Variants in BYSL observed in about 807,000 individuals in gnomAD.
The protein encoded by BYSL is bystin like, also known as bystin.
BYSL carries 21 observed loss-of-function variants against 45.4 expected under a neutral mutation model. The observed-to-expected ratio is 0.46, with a 90% CI of 0.33 to 0.67. The LOEUF (loss-of-function observed/expected upper bound fraction) is 0.67. Ranked by LOEUF, BYSL falls within the 30% of genes least tolerant of loss-of-function variation. BYSL has a pLI of 0.02. For missense variants in BYSL, 522 were observed against 578.5 expected (o/e 0.90, Z 1.00); for synonymous variants, 215 against 231.3 (o/e 0.93, Z 0.64).
intron 2 of BYSL, among the ~76,000 whole-genome samples, chr6:41,928,382 G>C (rs1468756475): frequency 6.6e-6 from 1 of 152,156 alleles, no homozygotes; most frequent in Non-Finnish European, 1.5e-5. Context: ...CAGCTTATTT[G>C]AAAATGCAGA....
At chr6:41,909,189 GA>G in the BYSL span, 1 of 1,486,968 alleles carries the variant, frequency 6.7e-7, no homozygotes, top group Non-Finnish European at 9.0e-7. Flanking sequence ...AAAAAAAAGA[GA>G]AGAACTGGAA....
chr6:41,919,274 T>C (rs1370350829), upstream of BYSL, among the ~76,000 whole-genome samples: 1 of 151,754 alleles, frequency 6.6e-6, no homozygotes, highest in Non-Finnish European at 1.5e-5. Flanking sequence ...TCTTAACCAC[T>C]AACTAGACTG....
chr6:41,927,281 T>C, intron 1 of BYSL, 93 bp from the exon 2 acceptor site: 1 of 1,458,436 alleles, frequency 6.9e-7, no homozygotes, highest in African/African-American at 1.4e-5. Context: ...CAACCACATG[T>C]GAGGCCTGTA....
At chr6:41,911,301 C>T in the BYSL span, among the ~76,000 whole-genome samples, 3 of 151,690 alleles carry the variant, frequency 2.0e-5, no homozygotes, top group Non-Finnish European at 4.4e-5. Context: ...TAGGTGTGAG[C>T]CACCACACCT....
At chr6:41,911,207 A>G in the BYSL span, among the ~76,000 whole-genome samples, 1 of 150,436 alleles carries the variant, frequency 6.6e-6, no homozygotes, top group Non-Finnish European at 1.5e-5. Context: ...CTGTAGTGCA[A>G]TGGTGCAATC....
chr6:41,925,906 G>C (rs958358296), intron 1 of BYSL, among the ~76,000 whole-genome samples: 1 of 150,280 alleles, frequency 6.7e-6, no homozygotes, highest in South Asian at 2.1e-4. Flanking sequence ...GGCTGGTCTC[G>C]AACTCCCAAT....
Position 41,921,712 on chromosome 6 carries a change from G to A in BYSL, c.150G>A (p.Val50=). ...CAGGAGAAGCGGAGGAAGAGTATGT[G>A]GGGCCCCGGCTGAGCCGACGGATTT... is the stretch of plus-strand genomic sequence containing the variant. ...RGTGEAEEEY[V]GPRLSRRILQ... The change falls in exon 1 of 7, where the codon GTG becomes GTA. Residue 50 remains valine (V), a synonymous_variant. Transcript: ENST00000230340. 2 of 1,613,502 alleles carry A rather than the reference G, an allele frequency of 1.2e-6. No homozygotes were observed. The highest frequency in any genetic ancestry group is 1.3e-5 in the African/African-American group (1 of 75,024).
chr6:41,917,034 CA>C, upstream of BYSL: 1 of 1,303,034 alleles, frequency 7.7e-7, no homozygotes, highest in South Asian at 1.4e-5. Context: ...TCATCAGGGC[CA>C]AAAGTTATCT....
chr6:41,929,686 C>T (rs1775610687), intron 2 of BYSL, among the ~76,000 whole-genome samples: 1 of 152,216 alleles, frequency 6.6e-6, no homozygotes, highest in Non-Finnish European at 1.5e-5. Context: ...TTACTGTGTA[C>T]TGACCATTCC....
At position 41,926,877 on chromosome 6, in the gene BYSL, C is replaced by T. The variant is rs371798210; in HGVS notation, c.269-497C>T. Among the ~76,000 whole-genome samples, 185 of 151,158 alleles carry T rather than the reference C, an allele frequency of 1.2e-3. 1 individual carries two copies. The South Asian group carries it at 0.016, about 13-fold the overall frequency. ...TTGGGAGGCCAAGGCGGGCGGATCACGAGGTCAAGAGATCGAGACCATTCT... is the reference window on the plus strand; with the variant it reads ...TTGGGAGGCCAAGGCGGGCGGATCATGAGGTCAAGAGATCGAGACCATTCT... On this transcript the variant is annotated intron_variant, in intron 1 of 6. Transcript: ENST00000230340.
chr6:41,915,381 C>T, the BYSL span, among the ~76,000 whole-genome samples: 1 of 152,292 alleles, frequency 6.6e-6, no homozygotes, highest in South Asian at 2.1e-4. Flanking sequence ...GTAGTTTCAG[C>T]TACTCAGGAG....
intron 2 of BYSL, among the ~76,000 whole-genome samples, chr6:41,928,041 C>T (rs1182496883): frequency 2.0e-5 from 3 of 152,104 alleles, no homozygotes. Flanking sequence ...AGCAACCTTC[C>T]CCCAGTTGTG....
chr6:41,928,378 A>G (rs1775592457), intron 2 of BYSL, among the ~76,000 whole-genome samples: 1 of 152,220 alleles, frequency 6.6e-6, no homozygotes, highest in African/African-American at 2.4e-5. Context: ...GTGGCAGCTT[A>G]TTTGAAAATG....
upstream of BYSL, chr6:41,917,751 C>G: frequency 6.4e-6 from 3 of 471,172 alleles, no homozygotes; most frequent in South Asian, 4.6e-5. Flanking sequence ...TCAGTTCTGA[C>G]TACATCAAGG....
chr6:41,909,090 C>T, the BYSL span: 2 of 763,010 alleles, frequency 2.6e-6, no homozygotes, highest in Admixed American at 2.7e-5. Flanking sequence ...GGAAGGATCA[C>T]TTGAGCCCTG....
chr6:41,913,229 T>C, the BYSL span: 3 of 152,296 alleles, frequency 2.0e-5, no homozygotes, highest in East Asian at 3.9e-4. Flanking sequence ...TTTCAGATGA[T>C]GCTAATGCTG....
Position 41,931,840 on chromosome 6 carries a change from C to T in BYSL, c.968+10C>T. ...CTGTGTTGCACTCCAGGTAGTATTG[C>T]TGGGGGTGGAAGGGGGCTGGTCAGT... On this transcript the variant is annotated intron_variant, in intron 6 of 6. Transcript: ENST00000230340. 1 of 1,608,968 alleles carries T rather than the reference C, an allele frequency of 6.2e-7. No individual in the cohort carries two copies. The highest frequency in any genetic ancestry group is 8.5e-7 in the Non-Finnish European group (1 of 1,175,462).
At chr6:41,921,875 G>T in intron 1 of BYSL, 45 bp downstream of exon 1, 2 of 1,565,476 alleles carry the variant, frequency 1.3e-6, no homozygotes, top group Non-Finnish European at 1.7e-6. Context: ...GGCCAGTAGT[G>T]GGGCGGGGTG....
chr6:41,927,456 G>A lies in BYSL; in HGVS notation c.351G>A (p.Ala117=), dbSNP rs551967443. The A allele has an allele frequency of 4.3e-5, 69 of 1,614,146 alleles. No homozygotes were observed. In the South Asian group the frequency reaches 6.1e-4, roughly 14 times the overall value. ...AGAAGGCTGCCACAATGACAGCAGC[G>A]GGCCATCATGCAGAGGTGGTTGTGG... ...TLEKAATMTA[A]GHHAEVVVDP... Residue 117 remains alanine, a synonymous_variant, in exon 2 of 7, where the codon GCG becomes GCA. Transcript: ENST00000230340.
Sources: allele counts gnomAD v4.1 joint callset (sites outside exome capture counted in the v4.1 genomes callset), GRCh38; gene constraint gnomAD v4.1.1; transcripts MANE v1.5; gene names NCBI Gene and HGNC (gene_info 2026-07-23, HGNC 2026-07-21).